Variants in STAP2 observed in about 807,000 individuals in gnomAD.
The protein encoded by STAP2 is signal-transducing adaptor protein 2.
In STAP2, 58 loss-of-function variants were observed where a neutral mutation model predicts 52.7. The ratio of observed to expected loss-of-function variants is 1.10; its 90% CI spans 0.89 to 1.37. The LOEUF (loss-of-function observed/expected upper bound fraction) is 1.37, where lower values mean the gene tolerates loss of function less well. STAP2 is among the 40% of genes most tolerant of loss of function. STAP2 has a pLI of 0.00. For synonymous variants in STAP2, 231 were observed against 210.5 expected (o/e 1.10, Z -0.84); for missense variants, 522 against 519.4 (o/e 1.00, Z -0.05).
At chr19:4,332,269 G>A (rs370452894) in intron 3 of STAP2, among the ~76,000 whole-genome samples, 191 bp from the exon 4 acceptor site, 5 of 133,058 alleles carry the variant, frequency 3.8e-5, no homozygotes, top group African/African-American at 1.4e-4. Flanking sequence ...GTACAGTGGC[G>A]CGATCTCAGC....
chr19:4,334,201 G>C (rs1328879241), intron 1 of STAP2, among the ~76,000 whole-genome samples, 157 bp from the exon 2 acceptor site: 1 of 152,040 alleles, frequency 6.6e-6, no homozygotes, highest in Non-Finnish European at 1.5e-5. Flanking sequence ...CTGATCAAAT[G>C]TACCTTCTCA....
At chr19:4,331,929 C>T in intron 4 of STAP2, 93 bp downstream of exon 4, 3 of 1,391,928 alleles carry the variant, frequency 2.2e-6, no homozygotes, top group Non-Finnish European at 3.0e-6. Context: ...GAGACTCCGT[C>T]TCAAAAAAAG....
chr19:4,330,047 G>C lies in STAP2; in HGVS notation c.369C>G (p.Thr123=). The part of the protein sequence containing the change: ...ILTVVELRVP[T]DLTLLPGHLY... ...GGTGCCCAGGAAGCAGGGTCAAGTC[G>C]GTCGGGACACGGAGCTGAGGGGCGA... is the stretch of plus-strand genomic sequence containing the variant. Residue 123 remains threonine, a synonymous_variant, in exon 5 of 13, where the codon ACC becomes ACG. Coordinates refer to ENST00000594605, the MANE Select transcript of STAP2 (RefSeq NM_001013841.2). 2.5e-6 allele frequency: 4 copies of C among 1,613,530 alleles called. No homozygotes were observed. Among genetic ancestry groups the C allele is most frequent in the Non-Finnish European group, 3.4e-6 (4 of 1,179,958 alleles).
At chr19:4,326,901 C>T (rs62129306) in intron 9 of STAP2, 41 bp downstream of exon 9, 1 of 1,549,058 alleles carries the variant, frequency 6.5e-7, no homozygotes, top group East Asian at 2.4e-5. Flanking sequence ...ATGCGGGGTC[C>T]TCGATCCCTC....
intron 3 of STAP2, among the ~76,000 whole-genome samples, chr19:4,332,423 C>T (rs902513984): frequency 5.3e-5 from 8 of 151,148 alleles, no homozygotes; most frequent in Non-Finnish European, 2.9e-5. Flanking sequence ...CCAGGCTGGT[C>T]TTGAACTCCT....
intron 3 of STAP2, among the ~76,000 whole-genome samples, chr19:4,333,435 G>T (rs1245339325): frequency 6.6e-6 from 1 of 152,156 alleles, no homozygotes; most frequent in Non-Finnish European, 1.5e-5. Flanking sequence ...GGTGGAGGTT[G>T]CAGTGAGCCA....
chr19:4,327,312 T>C lies in STAP2; in HGVS notation c.660+4A>G. Reference sequence around the variant, plus strand: ...ACTTCTAGGGACTCTGGCCCAACGCTCACCGGCTGTTCCACATCGATCACG... The same window carrying C: ...ACTTCTAGGGACTCTGGCCCAACGCCCACCGGCTGTTCCACATCGATCACG... On this transcript the variant is annotated splice_donor_region_variant and intron_variant, in intron 7 of 12. Coordinates refer to ENST00000594605, the MANE Select transcript of STAP2 (RefSeq NM_001013841.2). 1.9e-6 allele frequency: 3 copies of C among 1,614,086 alleles called. No individual in the cohort carries two copies. The highest frequency in any genetic ancestry group is 2.5e-6 in the Non-Finnish European group (3 of 1,179,986).
rs1368229649 is a variant in STAP2, at chr19:4,324,102, G to T, written c.*31C>A. 5.8e-6 allele frequency: 9 copies of T among 1,549,564 alleles called. No homozygotes were observed. Among genetic ancestry groups the T allele is most frequent in the African/African-American group, 4.1e-5 (3 of 72,996 alleles). On this transcript the variant is annotated 3_prime_UTR_variant, in exon 13 of 13. Transcript: ENST00000594605. The stretch of plus-strand genomic sequence containing the variant: ...ATCTGGCCGCTGGGCCATGCCCTGG[G>T]ACTAGCCCGCTGGTCCCTGGTGTGT...
intron 1 of STAP2, among the ~76,000 whole-genome samples, chr19:4,337,235 CTTT>C (rs537448777): frequency 1.4e-5 from 2 of 140,210 alleles, no homozygotes; most frequent in Admixed American, 7.1e-5. Context: ...AAGACCCCAT[CTTT>C]TTTTTTTTTT....
chr19:4,333,222 C>T (rs1019075550), intron 3 of STAP2, among the ~76,000 whole-genome samples: 6 of 151,426 alleles, frequency 4.0e-5, no homozygotes, highest in African/African-American at 1.5e-4. Flanking sequence ...CGGCTGGACA[C>T]GGTGGCTCAC....
At chr19:4,334,534 C>A (rs1435344544) in intron 1 of STAP2, among the ~76,000 whole-genome samples, 1 of 150,470 alleles carries the variant, frequency 6.6e-6, no homozygotes, top group Non-Finnish European at 1.5e-5. Flanking sequence ...ATCCGTCCAC[C>A]CACCCACCCA....
At chr19:4,329,829 CCCAG>C in intron 5 of STAP2, 128 bp downstream of exon 5, 6 of 251,078 alleles carry the variant, frequency 2.4e-5, no homozygotes, top group East Asian at 8.3e-5. Context: ...CTCCCCCACC[CCCAG>C]CCCCAAGGCA....
chr19:4,326,871 G>A, intron 9 of STAP2, 71 bp downstream of exon 9: 1 of 1,524,412 alleles, frequency 6.6e-7, no homozygotes, highest in Non-Finnish European at 8.9e-7. Flanking sequence ...CCACCAAACT[G>A]ACTGAGGGGG....
chr19:4,333,587 G>T, intron 3 of STAP2, 107 bp downstream of exon 3: 1 of 1,437,312 alleles, frequency 7.0e-7, no homozygotes, highest in Non-Finnish European at 9.1e-7. Context: ...AGGGCCCACA[G>T]GGCCCTGTAC....
intron 9 of STAP2, among the ~76,000 whole-genome samples, chr19:4,326,210 C>T (rs1971790426): frequency 6.6e-6 from 1 of 152,212 alleles, no homozygotes; most frequent in African/African-American, 2.4e-5. Flanking sequence ...GTGATTGTGG[C>T]ATGACACAGG....
At chr19:4,324,412 C>T (rs749343052) in intron 12 of STAP2, 43 bp downstream of exon 12, 2 of 1,499,138 alleles carry the variant, frequency 1.3e-6, no homozygotes, top group South Asian at 2.5e-5. Context: ...TACGGTCACA[C>T]ACCTGGGAAG....
At chr19:4,325,136 C>CAA (rs5826839) in intron 11 of STAP2, 80 bp downstream of exon 11, 944 of 1,087,966 alleles carry the variant, frequency 8.7e-4, no homozygotes, top group Non-Finnish European at 9.7e-4. Flanking sequence ...GAGACTGTCT[C>CAA]AAAAAAAAAA....
At chr19:4,330,295 C>A (rs541831942) in intron 4 of STAP2, among the ~76,000 whole-genome samples, 1 of 151,652 alleles carries the variant, frequency 6.6e-6, no homozygotes, top group Admixed American at 6.6e-5. Flanking sequence ...CCGAGGCGGG[C>A]GGATCACCTA....
intron 2 of STAP2, 54 bp from the exon 3 acceptor site, chr19:4,333,870 C>G (rs905359387): frequency 1.7e-5 from 28 of 1,612,894 alleles, no homozygotes; most frequent in African/African-American, 4.0e-5. Flanking sequence ...CTCCAGGCCC[C>G]CTGGATGATG....
Sources: gnomAD v4.1 joint callset for allele counts (sites outside exome capture counted in the v4.1 genomes callset) on GRCh38, gnomAD v4.1.1 for gene constraint, MANE v1.5 for transcripts, NCBI Gene and HGNC (gene_info 2026-07-23, HGNC 2026-07-21) for gene names.